GRM8: variants seen among roughly 807,000 people sequenced by gnomAD.
GRM8 encodes metabotropic glutamate receptor 8.
A neutral mutation model predicts 87.2 loss-of-function variants in GRM8; 47 were observed. The ratio of observed to expected loss-of-function variants is 0.54; its 90% CI spans 0.43 to 0.69. GRM8 has a LOEUF of 0.69. GRM8 is among the 30% of genes least tolerant of loss of function. The pLI is 0.00. For synonymous variants in GRM8, 396 were observed against 404.5 expected (o/e 0.98, Z 0.25); for missense variants, 1,019 against 1,139.2 (o/e 0.89, Z 1.52).
intron 3 of GRM8, among the ~76,000 whole-genome samples, chr7:126,987,181 TA>T (rs200556481): frequency 1.3e-5 from 2 of 152,168 alleles, no homozygotes; most frequent in Admixed American, 1.3e-4. Context: ...TTTAGTCGTG[TA>T]AAAAACTTTT....
At chr7:127,141,185 C>T (rs1036544381) in intron 2 of GRM8, among the ~76,000 whole-genome samples, 8 of 152,006 alleles carry the variant, frequency 5.3e-5, no homozygotes, top group Admixed American at 1.3e-4. Context: ...ACCAACCCTG[C>T]GGCTCTCATC....
At chr7:126,621,000 G>A (rs923619728) in intron 7 of GRM8, among the ~76,000 whole-genome samples, 3 of 152,032 alleles carry the variant, frequency 2.0e-5, no homozygotes, top group Admixed American at 2.0e-4. Context: ...AAAAAAATAA[G>A]AAAGCTAGAA....
intron 7 of GRM8, among the ~76,000 whole-genome samples, chr7:126,736,218 T>A: frequency 6.6e-6 from 1 of 152,062 alleles, no homozygotes; most frequent in East Asian, 1.9e-4. Flanking sequence ...ATAACCTAAC[T>A]TAACACATAC....
chr7:127,191,815 T>C (rs375875265), intron 2 of GRM8, among the ~76,000 whole-genome samples: 1 of 152,212 alleles, frequency 6.6e-6, no homozygotes, highest in African/African-American at 2.4e-5. Flanking sequence ...TGATGAAGAA[T>C]ATACTGTGAA....
intron 2 of GRM8, among the ~76,000 whole-genome samples, chr7:127,124,946 T>C (rs889575188): frequency 1.3e-5 from 2 of 152,048 alleles, no homozygotes; most frequent in African/African-American, 2.4e-5. Context: ...ATTCACAAAA[T>C]AGATAAATAA....
intron 6 of GRM8, among the ~76,000 whole-genome samples, chr7:126,785,310 A>G (rs1031969536): frequency 6.6e-6 from 1 of 152,144 alleles, no homozygotes; most frequent in East Asian, 1.9e-4. Context: ...TCTTTAGAAG[A>G]GCCTTTATGC....
intron 1 of GRM8, among the ~76,000 whole-genome samples, chr7:127,245,651 AT>A: frequency 6.6e-6 from 1 of 152,118 alleles, no homozygotes; most frequent in South Asian, 2.1e-4. Context: ...TGGAGCTTTA[AT>A]TTTTAAAAAA....
In GRM8 at chr7:126,864,613, C is replaced by T. The variant is rs751609141; in HGVS notation, c.1156+37929G>A. ...TGTATACATACCTATATATATATGC[C>T]TATATAGCTTTAAGTCTATACCTTT... On this transcript the variant is annotated intron_variant, in intron 6 of 10. Coordinates refer to ENST00000339582, the MANE Select transcript of GRM8 (RefSeq NM_000845.3). 3.0e-4 allele frequency among the ~76,000 whole-genome samples: 46 copies of T among 152,074 alleles called. 1 individual carries two copies. The Middle Eastern group carries it at 0.021, about 68-fold the overall frequency.
At chr7:127,087,926 C>T (rs1053308349) in intron 3 of GRM8, among the ~76,000 whole-genome samples, 6 of 152,198 alleles carry the variant, frequency 3.9e-5, no homozygotes, top group South Asian at 4.1e-4. Flanking sequence ...GCCTGCTTCA[C>T]GATTCACAGT....
At chr7:127,011,630 T>C (rs2132113228) in intron 3 of GRM8, among the ~76,000 whole-genome samples, 1 of 152,308 alleles carries the variant, frequency 6.6e-6, no homozygotes, top group East Asian at 1.9e-4. Flanking sequence ...TAGATTGTGA[T>C]GTTCAACACT....
intron 2 of GRM8, among the ~76,000 whole-genome samples, chr7:127,130,398 T>C (rs1261881965): frequency 6.6e-6 from 1 of 152,166 alleles, no homozygotes; most frequent in Non-Finnish European, 1.5e-5. Flanking sequence ...CCTATAGATT[T>C]GTTTAATGGT....
At chr7:126,675,192 C>G (rs1260428128) in intron 7 of GRM8, among the ~76,000 whole-genome samples, 1 of 151,988 alleles carries the variant, frequency 6.6e-6, no homozygotes, top group Non-Finnish European at 1.5e-5. Flanking sequence ...CAGGAAGAAA[C>G]AGAAATCCTG....
chr7:126,836,021 T>A (rs1340639290), intron 6 of GRM8, among the ~76,000 whole-genome samples: 4 of 152,200 alleles, frequency 2.6e-5, no homozygotes, highest in Non-Finnish European at 5.9e-5. Flanking sequence ...TTTAAAAAAT[T>A]CCTTCTTTGG....
intron 7 of GRM8, among the ~76,000 whole-genome samples, chr7:126,682,964 G>A (rs755672706): frequency 1.8e-4 from 27 of 152,098 alleles, no homozygotes; most frequent in Non-Finnish European, 3.2e-4. Flanking sequence ...CAGGAGAATC[G>A]CTTGAACCTG....
chr7:126,631,136 C>A (rs887182914), intron 7 of GRM8, among the ~76,000 whole-genome samples: 13 of 152,054 alleles, frequency 8.5e-5, no homozygotes, highest in African/African-American at 3.1e-4. Context: ...GCATAGAAAA[C>A]CCTATAATCT....
At chr7:127,070,529 A>C (rs1821572560) in intron 3 of GRM8, among the ~76,000 whole-genome samples, 1 of 152,050 alleles carries the variant, frequency 6.6e-6, no homozygotes, top group Admixed American at 6.6e-5. Flanking sequence ...ACTCTTCCTA[A>C]ACCTTGTCCA....
chr7:126,813,443 C>T (rs932304277), intron 6 of GRM8, among the ~76,000 whole-genome samples: 2 of 152,092 alleles, frequency 1.3e-5, no homozygotes, highest in African/African-American at 4.8e-5. Context: ...CAGATCATCT[C>T]TGGCACCCCC....
At chr7:126,510,371 G>C (rs728225) in intron 9 of GRM8, among the ~76,000 whole-genome samples, 1 of 151,328 alleles carries the variant, frequency 6.6e-6, no homozygotes. Flanking sequence ...TGATGTGATC[G>C]TAGTATTCAT....
intron 2 of GRM8, among the ~76,000 whole-genome samples, chr7:127,170,822 G>A (rs1423501235): frequency 2.0e-5 from 3 of 152,080 alleles, no homozygotes; most frequent in East Asian, 1.9e-4. Flanking sequence ...ATGATACAAC[G>A]GACTTTGGGG....
Sources: gnomAD v4.1 joint callset for allele counts (sites outside exome capture counted in the v4.1 genomes callset) on GRCh38, gnomAD v4.1.1 for gene constraint, MANE v1.5 for transcripts, NCBI Gene and HGNC (gene_info 2026-07-23, HGNC 2026-07-21) for gene names.